The following RASA2 variants were observed in gnomAD, a reference collection of about 807,000 sequenced individuals.
The protein encoded by RASA2 is RAS p21 protein activator 2.
Under a neutral mutation model 118.2 loss-of-function variants are expected in RASA2, and 155 were observed. That is an observed-to-expected ratio of 1.31 (90% confidence interval 1.15 to 1.50). RASA2 has a LOEUF of 1.50. RASA2 is among the 40% of genes most tolerant of loss of function. The pLI is 0.00. For synonymous variants in RASA2, 353 were observed against 349.1 expected (o/e 1.01, Z -0.12); for missense variants, 1,016 against 1,009.6 (o/e 1.01, Z -0.09).
rs747011331 is a variant in RASA2 at position 141,608,541 on chromosome 3, G to A, written c.2069G>A (p.Cys690Tyr). Residue 690 changes from cysteine (C) to tyrosine (Y), a missense_variant, in exon 21 of 24, where the codon TGT (cysteine) becomes TAT (tyrosine). Coordinates refer to ENST00000286364, the MANE Select transcript of RASA2 (RefSeq NM_006506.5). ...CCACTCTATGTCCAGGCAAATAACT[G>A]TGTAGAAGCTAATGAATGGATAGAC... ...EKPLYVQANN[C>Y]VEANEWIDVL... The A allele has an allele frequency of 3.1e-6, 5 of 1,613,992 alleles. No individual in the cohort carries two copies. Among genetic ancestry groups the A allele is most frequent in the Admixed American group, 1.7e-5 (1 of 59,996 alleles).
intron 1 of RASA2, among the ~76,000 whole-genome samples, chr3:141,492,044 A>G (rs143797664): frequency 6.6e-6 from 1 of 152,362 alleles, no homozygotes; most frequent in African/African-American, 2.4e-5. Context: ...TCCATCTTTC[A>G]GATGGATAGA....
At chr3:141,588,852 T>TA (rs1221601101) in intron 19 of RASA2, among the ~76,000 whole-genome samples, 1 of 152,010 alleles carries the variant, frequency 6.6e-6, no homozygotes, top group Non-Finnish European at 1.5e-5. Flanking sequence ...TTTTTATTTT[T>TA]TTTTTTTGAG....
intron 4 of RASA2, among the ~76,000 whole-genome samples, chr3:141,530,865 A>G (rs1251823763): frequency 1.3e-5 from 2 of 152,156 alleles, no homozygotes; most frequent in Non-Finnish European, 2.9e-5. Context: ...TAAATGATCC[A>G]TGTGAGAAGC....
chr3:141,600,369 C>G (rs1028631786), intron 19 of RASA2: 2 of 500,878 alleles, frequency 4.0e-6, no homozygotes, highest in Non-Finnish European at 8.2e-6. Context: ...GGGTTCTTGT[C>G]GGAGGTGTCA....
intron 3 of RASA2, among the ~76,000 whole-genome samples, chr3:141,519,025 G>A (rs1218458614): frequency 6.6e-6 from 1 of 152,124 alleles, no homozygotes; most frequent in African/African-American, 2.4e-5. Context: ...CAATGGTGTT[G>A]CTATGAACAA....
At position 141,609,962 on chromosome 3, in the gene RASA2, A is replaced by T; in HGVS notation, c.2415A>T (p.Thr805=). Residue 805 remains threonine (T), a synonymous_variant, in exon 23 of 24, where the codon ACA becomes ACT. Transcript: ENST00000286364. ...ACTTTGTAATCGAGGATTCTGTAAC[A>T]ACCTTTAAGACAATTCAGCAAATAA... The part of the protein sequence containing the change: ...YSNFVIEDSV[T]TFKTIQQIKS... 1.2e-6 allele frequency: 2 copies of T among 1,607,070 alleles called. No individual in the cohort carries two copies. Among genetic ancestry groups the T allele is most frequent in the Non-Finnish European group, 1.7e-6 (2 of 1,176,756 alleles).
intron 1 of RASA2, among the ~76,000 whole-genome samples, chr3:141,491,899 G>A (rs2081644098): frequency 6.6e-6 from 1 of 152,198 alleles, no homozygotes; most frequent in South Asian, 2.1e-4. Flanking sequence ...ATTCTGTGAA[G>A]TATAAATCAA....
At chr3:141,520,210 A>C (rs959716307) in intron 3 of RASA2, among the ~76,000 whole-genome samples, 1 of 151,868 alleles carries the variant, frequency 6.6e-6, no homozygotes, top group Non-Finnish European at 1.5e-5. Context: ...ACAGGGTTTC[A>C]CCATGTCAGC....
chr3:141,574,024 T>C lies in RASA2; in HGVS notation c.1440T>C (p.Asp480=), dbSNP rs1347087985. The C allele has an allele frequency of 4.4e-6, 7 of 1,592,870 alleles. No homozygotes were observed. The Admixed American group carries it at 1.2e-4, about 27-fold the overall frequency. Residue 480 remains aspartate (D), a synonymous_variant, in exon 14 of 24, where the codon GAT becomes GAC. Transcript: ENST00000286364. ...SSMSCPTVMC[D]IFYSLRQMAT... ...TGAGCTGCCCCACTGTAATGTGTGA[T>C]ATCTTTTATTCTCTAAGGCAGATGG... is the stretch of plus-strand genomic sequence containing the variant.
chr3:141,563,796 T>C (rs924186533), intron 9 of RASA2, among the ~76,000 whole-genome samples: 1 of 152,210 alleles, frequency 6.6e-6, no homozygotes, highest in Non-Finnish European at 1.5e-5. Context: ...AAGTTTGAAC[T>C]CTGGCATATT....
intron 16 of RASA2, 98 bp from the exon 17 acceptor site, chr3:141,581,002 A>T: frequency 8.1e-7 from 1 of 1,227,668 alleles, no homozygotes; most frequent in Non-Finnish European, 1.1e-6. Context: ...TATATAATTG[A>T]GTCCTTTTAG....
chr3:141,496,991 A>G (rs1038290875), intron 1 of RASA2, among the ~76,000 whole-genome samples: 16 of 152,160 alleles, frequency 1.1e-4, no homozygotes, highest in Admixed American at 3.3e-4. Context: ...AGCCATAAAA[A>G]TGGATGAATT....
chr3:141,600,173 C>T (rs551011135), intron 19 of RASA2: 22 of 319,832 alleles, frequency 6.9e-5, no homozygotes, highest in South Asian at 3.3e-4. Flanking sequence ...ACACATGAAT[C>T]GGTTTCTTTG....
At chr3:141,575,964 A>T (rs778711577) in intron 14 of RASA2, among the ~76,000 whole-genome samples, 1 of 152,056 alleles carries the variant, frequency 6.6e-6, no homozygotes. Flanking sequence ...TTTAGTATAG[A>T]TGGGGTTTCT....
At chr3:141,529,019 A>G (rs772270369) in intron 3 of RASA2, among the ~76,000 whole-genome samples, 1 of 152,014 alleles carries the variant, frequency 6.6e-6, no homozygotes, top group Non-Finnish European at 1.5e-5. Context: ...GATGGCAAAT[A>G]TTTTATTATA....
At chr3:141,608,959 T>C (rs190314435) in intron 21 of RASA2, among the ~76,000 whole-genome samples, 3 of 152,254 alleles carry the variant, frequency 2.0e-5, no homozygotes, top group East Asian at 1.9e-4. Flanking sequence ...AAGGGAGGAA[T>C]GGGGAGTGCT....
At chr3:141,541,736 T>C (rs1244425567) in intron 5 of RASA2, among the ~76,000 whole-genome samples, 1 of 152,126 alleles carries the variant, frequency 6.6e-6, no homozygotes, top group African/African-American at 2.4e-5. Flanking sequence ...TTGACATGTC[T>C]CTTTAATCTC....
chr3:141,598,753 T>TC (rs550922536), intron 19 of RASA2, among the ~76,000 whole-genome samples: 22 of 151,268 alleles, frequency 1.5e-4, no homozygotes, highest in African/African-American at 4.4e-4. Flanking sequence ...TTACAGTAGT[T>TC]CCCCCCCAAA....
intron 19 of RASA2, among the ~76,000 whole-genome samples, chr3:141,603,938 A>G (rs1178249826): frequency 6.6e-6 from 1 of 152,188 alleles, no homozygotes; most frequent in African/African-American, 2.4e-5. Flanking sequence ...TGGCTGAATC[A>G]TATTCTCTTT....
Sources: allele counts gnomAD v4.1 joint callset (sites outside exome capture counted in the v4.1 genomes callset), GRCh38; gene constraint gnomAD v4.1.1; transcripts MANE v1.5; gene names NCBI Gene and HGNC (gene_info 2026-07-23, HGNC 2026-07-21).